TP53BP1: variants seen among roughly 807,000 people sequenced by gnomAD.
TP53BP1 encodes TP53-binding protein 1.
In TP53BP1, 61 loss-of-function variants were observed where a neutral mutation model predicts 200.8. The ratio of observed to expected loss-of-function variants is 0.30; its 90% confidence interval spans 0.25 to 0.38. The LOEUF is 0.38. Ranked by LOEUF, TP53BP1 falls within the 10% of genes least tolerant of loss-of-function variation. The pLI, the probability that TP53BP1 is intolerant of heterozygous loss-of-function variation, is 1.00. For synonymous variants in TP53BP1, 822 were observed against 844.3 expected (o/e 0.97, Z 0.46); for missense variants, 2,144 against 2,371.9 (o/e 0.90, Z 2.00).
At position 43,477,331 on chromosome 15, in the gene TP53BP1, T is replaced by C. The variant is rs978224091; in HGVS notation, c.955+262A>G. 2.6e-5 allele frequency among the ~76,000 whole-genome samples: 4 copies of C among 150,984 alleles called. No homozygotes were observed. In the East Asian group the frequency reaches 7.7e-4, roughly 29 times the overall value. On this transcript the variant is annotated intron_variant, in intron 8 of 27. Coordinates refer to ENST00000382044, the MANE Select transcript of TP53BP1 (RefSeq NM_001141980.3). Reference sequence around the variant, plus strand: ...AAAAAAAAGAAAAAAAGAAAATGGCTAGTATCCATAATACTAAATTTACTG... The same window carrying C: ...AAAAAAAAGAAAAAAAGAAAATGGCCAGTATCCATAATACTAAATTTACTG...
In TP53BP1 at chr15:43,446,457, T is replaced by C. The variant is rs1218675143; in HGVS notation, c.2970A>G (p.Leu990=). 6.2e-7 allele frequency: 1 copy of C among 1,614,028 alleles called. No individual in the cohort carries two copies. Among genetic ancestry groups the C allele is most frequent in the Non-Finnish European group, 8.5e-7 (1 of 1,180,036 alleles). ...SGAAPDVDDK[L]CLRMKLVSPE... is the part of the protein sequence containing the mutation. ...GACTAACCAGTTTCATTCTTAGACA[T>C]AATTTATCATCCACGTCTGGGGCAG... The change falls in exon 14 of 28, where the codon TTA becomes TTG. Residue 990 remains leucine, a synonymous_variant. Transcript: ENST00000382044.
chr15:43,473,173 C>T (rs1355521149), intron 10 of TP53BP1, among the ~76,000 whole-genome samples: 2 of 152,112 alleles, frequency 1.3e-5, no homozygotes, highest in African/African-American at 2.4e-5. Flanking sequence ...ATAAAAGCAG[C>T]GTGGACCCAA....
chr15:43,504,783 G>A (rs562817479), intron 1 of TP53BP1, among the ~76,000 whole-genome samples: 2 of 152,272 alleles, frequency 1.3e-5, no homozygotes, highest in Admixed American at 6.5e-5. Flanking sequence ...ACTTTGGGAG[G>A]CCGAGGCGGA....
At position 43,404,419 on chromosome 15, in the gene TP53BP1, A is replaced by C. The variant is rs755510149; in HGVS notation, c.*2964T>G. The C allele has an allele frequency of 6.2e-7, 1 of 1,614,102 alleles. No homozygotes were observed. The highest frequency in any genetic ancestry group is 8.5e-7 in the Non-Finnish European group (1 of 1,180,004). On this transcript the variant is annotated 3_prime_UTR_variant, in exon 28 of 28. Transcript: ENST00000382044. ...TGAGTCCTTCTCTCTGCAGGGCTTT[A>C]GCCGCCAGTCTTCACTCCTGTTCAA... is the stretch of plus-strand genomic sequence containing the variant.
chr15:43,480,804 A>G lies in TP53BP1; in HGVS notation c.499+91T>C, dbSNP rs1011255283. The G allele has an allele frequency of 5.0e-6, 7 of 1,390,124 alleles. No individual in the cohort carries two copies. In the African/African-American group the frequency reaches 1.0e-4, roughly 20 times the overall value. The allele number at this position is 1,390,124 out of a possible 1,614,324, so 86.1% of individuals were successfully genotyped here. ...TCAATTTAATTATGAGAAATCTGCA[A>G]CCTAATAAAGAGGAGAAATTTAGAC... On this transcript the variant is annotated intron_variant, in intron 5 of 27. Coordinates refer to ENST00000382044, the MANE Select transcript of TP53BP1 (RefSeq NM_001141980.3).
intron 11 of TP53BP1, among the ~76,000 whole-genome samples, chr15:43,457,952 G>A (rs2046339840): frequency 6.6e-6 from 1 of 152,042 alleles, no homozygotes; most frequent in Non-Finnish European, 1.5e-5. Flanking sequence ...CGCGGAGGCA[G>A]AGGTTGCAGT....
intron 9 of TP53BP1, among the ~76,000 whole-genome samples, chr15:43,475,109 AT>A (rs1220207818): frequency 6.6e-6 from 1 of 152,146 alleles, no homozygotes; most frequent in South Asian, 2.1e-4. Flanking sequence ...AAATTATTCC[AT>A]TTTTTTGCCT....
rs1049683389 is a variant in TP53BP1 at position 43,422,700 on chromosome 15, T to C, written c.3829-574A>G. 2.6e-5 allele frequency among the ~76,000 whole-genome samples: 4 copies of C among 152,162 alleles called. No homozygotes were observed. In the South Asian group the frequency reaches 6.2e-4, roughly 24 times the overall value. ...GGCAATAGAAAAGTATATGCAAAAA[T>C]AGGCTAAAAGGGGTCAGGTGTGGTG... On this transcript the variant is annotated intron_variant, in intron 18 of 27. Coordinates refer to ENST00000382044, the MANE Select transcript of TP53BP1 (RefSeq NM_001141980.3).
At position 43,405,161 on chromosome 15, in the gene TP53BP1, G is replaced by A. The variant is rs1159227497; in HGVS notation, c.*2222C>T. The A allele has an allele frequency of 6.2e-7, 1 of 1,612,618 alleles. No homozygotes were observed. The highest frequency in any genetic ancestry group is 8.5e-7 in the Non-Finnish European group (1 of 1,179,036). On this transcript the variant is annotated 3_prime_UTR_variant, in exon 28 of 28. Coordinates refer to ENST00000382044, the MANE Select transcript of TP53BP1 (RefSeq NM_001141980.3). ...CATATTTCTTTGAAGGTAGTCTTGGGAAAGCATGACACTTAATAAGGCTCT... is the reference window on the plus strand; with the variant it reads ...CATATTTCTTTGAAGGTAGTCTTGGAAAAGCATGACACTTAATAAGGCTCT...
chr15:43,474,083 G>A (rs2046791825), intron 10 of TP53BP1, among the ~76,000 whole-genome samples: 1 of 152,308 alleles, frequency 6.6e-6, no homozygotes, highest in East Asian at 1.9e-4. Context: ...TAGCACTGCT[G>A]GGGGACCCAG....
chr15:43,489,494 A>C (rs919820557), intron 4 of TP53BP1, among the ~76,000 whole-genome samples: 1 of 152,258 alleles, frequency 6.6e-6, no homozygotes, highest in Non-Finnish European at 1.5e-5. Context: ...TAGATGAGTG[A>C]AGCAGCTGGG....
chr15:43,468,737 C>CA (rs1481506347), intron 11 of TP53BP1, among the ~76,000 whole-genome samples: 4 of 152,140 alleles, frequency 2.6e-5, no homozygotes, highest in African/African-American at 9.7e-5. Flanking sequence ...ACGAGGTAGA[C>CA]AGTATCAATA....
At chr15:43,483,233 A>AACACACACACACACACACAC (rs71431896) in intron 4 of TP53BP1, among the ~76,000 whole-genome samples, 6 of 142,822 alleles carry the variant, frequency 4.2e-5, no homozygotes, top group African/African-American at 1.3e-4. Context: ...AAAAGTACAG[A>AACACACACACACACACACAC]ACACACACAC....
At chr15:43,493,371 C>T (rs537043417), upstream of TP53BP1, among the ~76,000 whole-genome samples, 7 of 152,244 alleles carry the variant, frequency 4.6e-5, no homozygotes, top group South Asian at 2.1e-4. Flanking sequence ...ACCGAAGGGA[C>T]CTTGAGAGGG....
At chr15:43,506,172 G>A (rs2079235295) in intron 1 of TP53BP1, among the ~76,000 whole-genome samples, 1 of 152,138 alleles carries the variant, frequency 6.6e-6, no homozygotes, top group Non-Finnish European at 1.5e-5. Context: ...GAATTATGAT[G>A]TTCTTCTCTC....
At chr15:43,482,511 G>C (rs886987743) in intron 4 of TP53BP1, among the ~76,000 whole-genome samples, 1 of 152,166 alleles carries the variant, frequency 6.6e-6, no homozygotes, top group Non-Finnish European at 1.5e-5. Context: ...GCTCATGCCT[G>C]TAATCCCAGC....
chr15:43,474,804 T>C (rs765932435), intron 9 of TP53BP1, 37 bp from the exon 10 acceptor site: 10 of 1,444,568 alleles, frequency 6.9e-6, no homozygotes, highest in African/African-American at 1.4e-5. Flanking sequence ...TATTTTACCA[T>C]AGCCACAGTT....
In TP53BP1 at chr15:43,420,647, G is replaced by A; in HGVS notation, c.4339C>T (p.Arg1447Ter). Residue 1447 changes from arginine to a stop codon, truncating the protein, a stop_gained, in exon 21 of 28, where the codon CGA (arginine) becomes TGA (stop). Coordinates refer to ENST00000382044, the MANE Select transcript of TP53BP1 (RefSeq NM_001141980.3). LOFTEE classifies it high-confidence loss of function. ...DDKSFSRVVP[R>*]VPDSTRRTDV... ...GTTCGTCTGGTGGAGTCTGGCACTC[G>A]GGGCACGACACGGCTGAAGGATTTA... The A allele has an allele frequency of 2.5e-6, 4 of 1,614,170 alleles. No individual in the cohort carries two copies. Among genetic ancestry groups the A allele is most frequent in the Non-Finnish European group, 3.4e-6 (4 of 1,180,032 alleles).
chr15:43,437,858 G>A (rs547895356), intron 16 of TP53BP1, among the ~76,000 whole-genome samples: 11 of 152,262 alleles, frequency 7.2e-5, no homozygotes, highest in African/African-American at 2.4e-4. Context: ...CACCAGACTG[G>A]GAAATTGATA....
Sources: gnomAD v4.1 joint callset for allele counts (sites outside exome capture counted in the v4.1 genomes callset) on GRCh38, gnomAD v4.1.1 for gene constraint, MANE v1.5 for transcripts, NCBI Gene and HGNC (gene_info 2026-07-23, HGNC 2026-07-21) for gene names.